MSRB3: variants seen among roughly 807,000 people sequenced by gnomAD.
The protein encoded by MSRB3 is methionine sulfoxide reductase B3.
In MSRB3, 13 loss-of-function variants were observed where a neutral mutation model predicts 21.0. The ratio of observed to expected loss-of-function variants is 0.62; its 90% CI spans 0.40 to 0.98. The LOEUF is 0.98. Among genes scored for constraint, MSRB3 ranks in the 50% least tolerant of loss-of-function variants. The probability of loss-of-function intolerance (pLI) is 0.00; values close to 1 mark genes in which losing one functional copy is unlikely to be tolerated. For synonymous variants in MSRB3, 87 were observed against 88.6 expected (o/e 0.98, Z 0.10); for missense variants, 199 against 230.3 (o/e 0.86, Z 0.88).
intron 5 of MSRB3, among the ~76,000 whole-genome samples, chr12:65,374,465 T>C (rs1315289182): frequency 1.3e-5 from 2 of 152,190 alleles, no homozygotes; most frequent in African/African-American, 4.8e-5. Context: ...CTTACCTGCA[T>C]ACTTAACTGA....
intron 1 of MSRB3, chr12:65,285,240 T>C (rs1040862276): frequency 2.0e-5 from 3 of 152,212 alleles, no homozygotes; most frequent in Non-Finnish European, 4.4e-5. Flanking sequence ...GCTTGCCTTA[T>C]CTCTTCAAGT....
intron 2 of MSRB3, among the ~76,000 whole-genome samples, chr12:65,325,566 G>T (rs1209550812): frequency 6.6e-6 from 1 of 152,024 alleles, no homozygotes; most frequent in East Asian, 1.9e-4. Context: ...AGGGTAACCG[G>T]CTAGACAATA....
At chr12:65,439,183 G>A (rs765876605) in intron 5 of MSRB3, among the ~76,000 whole-genome samples, 15 of 151,440 alleles carry the variant, frequency 9.9e-5, no homozygotes, top group Non-Finnish European at 1.9e-4. Context: ...AAGTACAGAG[G>A]ATAAAGGGGA....
Position 65,278,890 on chromosome 12 carries a change from T to C in MSRB3, c.-52+25T>C, listed in dbSNP as rs748526465. The C allele has an allele frequency of 2.1e-5, 33 of 1,548,694 alleles. No individual in the cohort carries two copies. The South Asian group carries it at 3.7e-4, about 17-fold the overall frequency. On this transcript the variant is annotated intron_variant, in intron 1 of 6. Coordinates refer to ENST00000308259, the MANE Select transcript of MSRB3 (RefSeq NM_001031679.3). ...GGTAAGTTCGGGCTCCCCTCCCCTC[T>C]CCTCCTCGCCTCACCCCTCCCACCC...
At chr12:65,381,150 G>A (rs1878920383) in intron 5 of MSRB3, among the ~76,000 whole-genome samples, 1 of 152,172 alleles carries the variant, frequency 6.6e-6, no homozygotes, top group South Asian at 2.1e-4. Context: ...GAAATGATAA[G>A]GAAGAGTTAA....
intron 5 of MSRB3, chr12:65,419,152 C>G (rs1411243360): frequency 2.9e-6 from 2 of 682,528 alleles, no homozygotes; most frequent in Non-Finnish European, 5.3e-6. Flanking sequence ...CTCAACAGCT[C>G]CAACCTTGGC....
chr12:65,394,946 A>C (rs1879696297), intron 5 of MSRB3, among the ~76,000 whole-genome samples: 1 of 152,236 alleles, frequency 6.6e-6, no homozygotes, highest in African/African-American at 2.4e-5. Flanking sequence ...GAAAACCGAC[A>C]GCTAATGCCA....
chr12:65,361,582 TG>T (rs1450195283), intron 4 of MSRB3, among the ~76,000 whole-genome samples: 3 of 152,200 alleles, frequency 2.0e-5, no homozygotes, highest in Non-Finnish European at 4.4e-5. Flanking sequence ...GTCATTTTTA[TG>T]TCTCAATTTG....
At chr12:65,428,601 A>G (rs1040400114) in intron 5 of MSRB3, among the ~76,000 whole-genome samples, 1 of 152,174 alleles carries the variant, frequency 6.6e-6, no homozygotes, top group Non-Finnish European at 1.5e-5. Flanking sequence ...TACAAACAGG[A>G]GTACGACATT....
rs370483578 is a variant in MSRB3 at position 65,411,179 on chromosome 12, A to G, written c.292+42153A>G. ...TTTTCCTACTTATATAACAGTGGCA[A>G]TTATTGAAGTGGGACATACATCAAG... On this transcript the variant is annotated intron_variant, in intron 5 of 6. Coordinates refer to ENST00000308259, the MANE Select transcript of MSRB3 (RefSeq NM_001031679.3). Among the ~76,000 whole-genome samples, 3 of 152,200 alleles carry G rather than the reference A, an allele frequency of 2.0e-5. No homozygotes were observed. The South Asian group carries it at 6.2e-4, about 32-fold the overall frequency.
At chr12:65,280,283 T>C (rs1353138818) in intron 1 of MSRB3, among the ~76,000 whole-genome samples, 1 of 152,272 alleles carries the variant, frequency 6.6e-6, no homozygotes, top group African/African-American at 2.4e-5. Flanking sequence ...AAAAAAACCC[T>C]GTTTTTTATA....
intron 5 of MSRB3, among the ~76,000 whole-genome samples, chr12:65,421,640 G>A (rs1046449927): frequency 1.3e-5 from 2 of 152,138 alleles, no homozygotes; most frequent in African/African-American, 4.8e-5. Context: ...AGCTTCTTCA[G>A]TGAAGGAGAA....
chr12:65,331,798 C>T (rs866780635), intron 4 of MSRB3, among the ~76,000 whole-genome samples: 2 of 152,194 alleles, frequency 1.3e-5, no homozygotes, highest in African/African-American at 4.8e-5. Context: ...AAGCTGCGTA[C>T]ACGGGAGGAG....
chr12:65,394,901 T>C (rs1411480029), intron 5 of MSRB3, among the ~76,000 whole-genome samples: 1 of 152,100 alleles, frequency 6.6e-6, no homozygotes, highest in Non-Finnish European at 1.5e-5. Context: ...AAACTAGGAA[T>C]AGAAGAAAAC....
At chr12:65,341,014 A>G (rs928423324) in intron 4 of MSRB3, among the ~76,000 whole-genome samples, 1 of 152,096 alleles carries the variant, frequency 6.6e-6, no homozygotes, top group Non-Finnish European at 1.5e-5. Context: ...TTATTGACAA[A>G]TGTAAAGTAC....
intron 1 of MSRB3, among the ~76,000 whole-genome samples, chr12:65,305,682 G>T (rs946652394): frequency 6.6e-6 from 1 of 152,162 alleles, no homozygotes; most frequent in Non-Finnish European, 1.5e-5. Context: ...GATTAAAAGG[G>T]CTAATAAATG....
At chr12:65,290,603 TG>T (rs1231498651) in intron 1 of MSRB3, among the ~76,000 whole-genome samples, 1 of 152,138 alleles carries the variant, frequency 6.6e-6, no homozygotes. Context: ...TTTTCCTAAC[TG>T]GGGGGAAAAG....
intron 1 of MSRB3, 193 bp downstream of exon 1, chr12:65,279,058 C>T (rs1417770832): frequency 4.4e-5 from 62 of 1,421,672 alleles, no homozygotes; most frequent in Non-Finnish European, 5.5e-5. Context: ...CGGTGAGGGG[C>T]CGAACGGAAG....
At chr12:65,318,743 C>T (rs1874471089) in intron 2 of MSRB3, among the ~76,000 whole-genome samples, 3 of 152,128 alleles carry the variant, frequency 2.0e-5, no homozygotes, top group Non-Finnish European at 4.4e-5. Flanking sequence ...AAAAATATTT[C>T]CCTAAACTCT....
Sources: allele counts gnomAD v4.1 joint callset (sites outside exome capture counted in the v4.1 genomes callset), GRCh38; gene constraint gnomAD v4.1.1; transcripts MANE v1.5; gene names NCBI Gene and HGNC (gene_info 2026-07-23, HGNC 2026-07-21).